The following MYOC variants were observed in gnomAD, a reference collection of about 807,000 sequenced individuals.
MYOC encodes myocilin.
In MYOC, 29 loss-of-function variants were observed where a neutral mutation model predicts 28.2. That is an observed-to-expected ratio of 1.03 (90% CI 0.77 to 1.40). The LOEUF (loss-of-function observed/expected upper bound fraction) is 1.40. MYOC is among the 40% of genes most tolerant of loss of function. The pLI is 0.00. For synonymous variants in MYOC, 240 were observed against 245.6 expected, an observed-to-expected ratio of 0.98 and a Z score of 0.21; for missense variants, 569 against 620.6, an observed-to-expected ratio of 0.92 and a Z score of 0.88.
intron 1 of MYOC, among the ~76,000 whole-genome samples, chr1:171,640,020 C>G (rs1216661041): frequency 7.8e-6 from 1 of 129,020 alleles, no homozygotes; most frequent in African/African-American, 2.9e-5. Context: ...GAGGCCAAGA[C>G]AGGAGGAGTA....
intron 1 of MYOC, among the ~76,000 whole-genome samples, chr1:171,648,387 G>A (rs1054297898): frequency 2.0e-5 from 3 of 151,978 alleles, no homozygotes; most frequent in African/African-American, 7.2e-5. Context: ...CCACTGTGGT[G>A]ACTAGCTGGA....
At position 171,636,629 on chromosome 1, in the gene MYOC, T is replaced by C. The variant is rs1652930366; in HGVS notation, c.811A>G (p.Met271Val). 1 of 1,612,072 alleles carries C rather than the reference T, an allele frequency of 6.2e-7. No homozygotes were observed. Among genetic ancestry groups the C allele is most frequent in the African/African-American group, 1.3e-5 (1 of 74,760 alleles). ...GGGTAGGTGGGCTTGGGGTCTCGCATCCACACACCATACTTGCCAGTAATT... is the reference window on the plus strand; with the variant it reads ...GGGTAGGTGGGCTTGGGGTCTCGCACCCACACACCATACTTGCCAGTAATT... ...ETITGKYGVW[M>V]RDPKPTYPYT... Residue 271 changes from methionine to valine, a missense_variant, in exon 3 of 3, where the codon ATG (methionine) becomes GTG (valine). Met to Val is a conservative substitution (Grantham distance 21). Coordinates refer to ENST00000037502, the MANE Select transcript of MYOC (RefSeq NM_000261.2).
intron 1 of MYOC, among the ~76,000 whole-genome samples, chr1:171,642,471 G>A (rs2102947192): frequency 6.6e-6 from 1 of 152,108 alleles, no homozygotes; most frequent in African/African-American, 2.4e-5. Flanking sequence ...GAGTTAGCTG[G>A]GTGTGGTGGT....
At chr1:171,646,356 A>C (rs1325940981) in intron 1 of MYOC, among the ~76,000 whole-genome samples, 1 of 152,174 alleles carries the variant, frequency 6.6e-6, no homozygotes, top group Non-Finnish European at 1.5e-5. Flanking sequence ...TCAACACTAA[A>C]ATTTCTCTGG....
At position 171,636,126 on chromosome 1, in the gene MYOC, G is replaced by T. The variant is rs375235405; in HGVS notation, c.1314C>A (p.Thr438=). The change falls in exon 3 of 3, where the codon ACC becomes ACA. Residue 438 remains threonine, a synonymous_variant. Coordinates refer to ENST00000037502, the MANE Select transcript of MYOC (RefSeq NM_000261.2). ...NAFIICGTLY[T]VSSYTSADAT... is the part of the protein sequence containing the mutation. Reference sequence around the variant, plus strand: ...CATCTGCTGAGGTGTAGCTGCTGACGGTGTACAAGGTGCCACAGATGATGA... The same window carrying T: ...CATCTGCTGAGGTGTAGCTGCTGACTGTGTACAAGGTGCCACAGATGATGA... 6.2e-7 allele frequency: 1 copy of T among 1,614,062 alleles called. No individual in the cohort carries two copies. The highest frequency in any genetic ancestry group is 1.7e-5 in the Admixed American group (1 of 59,998).
Position 171,652,241 on chromosome 1 carries a change from AG to A in MYOC, c.370del (p.Leu124Ter), listed in dbSNP as rs1184334502. 6.2e-7 allele frequency: 1 copy of A among 1,614,022 alleles called. No individual in the cohort carries two copies. The highest frequency in any genetic ancestry group is 1.3e-5 in the African/African-American group (1 of 74,924). ...TTCCAGCTGGTCCCGCTCCCGCCTC[AG>A]GGTGCCCAGCTCCCTCTGCAGCCCC... Reference protein sequence around the residue: ...QEGLQRELGTLRRERDQLETQ... With the variant: ...QEGLQRELGTXRRERDQLETQ... On this transcript the variant is annotated frameshift_variant, in exon 1 of 3. Coordinates refer to ENST00000037502, the MANE Select transcript of MYOC (RefSeq NM_000261.2). LOFTEE classifies it high-confidence loss of function.
chr1:171,636,218 G>A lies in MYOC; in HGVS notation c.1222C>T (p.Pro408Ser). ...GTTTGTTCGAGTTCCAGATTCTCTG[G>A]GTTCAGTTTGGAGAGGACAATGGCA... ...KGAIVLSKLN[P>S]ENLELEQTWE... Residue 408 changes from proline (P) to serine (S), a missense_variant, in exon 3 of 3, where the codon CCA (proline) becomes TCA (serine). Physicochemically the swap from Pro to Ser is moderately conservative, Grantham distance 74 (BLOSUM62 -1). Coordinates refer to ENST00000037502, the MANE Select transcript of MYOC (RefSeq NM_000261.2). 1.9e-6 allele frequency: 3 copies of A among 1,614,124 alleles called. No individual in the cohort carries two copies. The highest frequency in any genetic ancestry group is 2.5e-6 in the Non-Finnish European group (3 of 1,180,024).
At chr1:171,644,388 GA>G (rs1285501257) in intron 1 of MYOC, among the ~76,000 whole-genome samples, 1 of 151,722 alleles carries the variant, frequency 6.6e-6, no homozygotes, top group Non-Finnish European at 1.5e-5. Context: ...AACTTACCGA[GA>G]AAAGATGTAT....
In MYOC at chr1:171,647,169, G is replaced by A. The variant is rs117630964; in HGVS notation, c.604+4839C>T. Among the ~76,000 whole-genome samples the A allele has an allele frequency of 1.6e-3, 240 of 152,328 alleles. 5 individuals carry two copies. In the East Asian group the frequency reaches 0.039, roughly 25 times the overall value. On this transcript the variant is annotated intron_variant, in intron 1 of 2. Coordinates refer to ENST00000037502, the MANE Select transcript of MYOC (RefSeq NM_000261.2). ...AACTTGTACTGTCTCTAGAATCAAC[G>A]CATGTTATTAAAATGTTATGCACAT...
intron 1 of MYOC, among the ~76,000 whole-genome samples, chr1:171,645,532 A>G (rs1172454127): frequency 6.6e-6 from 1 of 152,182 alleles, no homozygotes; most frequent in Non-Finnish European, 1.5e-5. Context: ...CTAGGTGCCT[A>G]TGGAGTTCAC....
At position 171,635,625 on chromosome 1, in the gene MYOC, G is replaced by C; in HGVS notation, c.*300C>G. Reference sequence around the variant, plus strand: ...ATGCAAGAGCAATGGTTTTCAGGAAGAAACTATTATGCCTTACAGCTTTTG... The same window carrying C: ...ATGCAAGAGCAATGGTTTTCAGGAACAAACTATTATGCCTTACAGCTTTTG... On this transcript the variant is annotated 3_prime_UTR_variant, in exon 3 of 3. Transcript: ENST00000037502. The C allele has an allele frequency of 2.1e-6, 1 of 482,114 alleles. No homozygotes were observed. Among genetic ancestry groups the C allele is most frequent in the South Asian group, 2.4e-5 (1 of 42,430 alleles). The allele number at this position is 482,114 out of a possible 1,614,324, so 29.9% of individuals were successfully genotyped here.
intron 2 of MYOC, among the ~76,000 whole-genome samples, chr1:171,637,765 A>G (rs1414338484): frequency 1.3e-5 from 2 of 151,954 alleles, no homozygotes; most frequent in Non-Finnish European, 2.9e-5. Context: ...GATGACTGCC[A>G]CCATGCCTGG....
chr1:171,637,194 A>AT (rs1652944627), intron 2 of MYOC, among the ~76,000 whole-genome samples: 1 of 152,174 alleles, frequency 6.6e-6, no homozygotes, highest in South Asian at 2.1e-4. Context: ...TAAGCTGGGC[A>AT]GGGACCCATG....
At chr1:171,644,491 G>A (rs998874804) in intron 1 of MYOC, among the ~76,000 whole-genome samples, 5 of 151,154 alleles carry the variant, frequency 3.3e-5, no homozygotes, top group African/African-American at 1.2e-4. Flanking sequence ...GGAAGAAAGT[G>A]AAACCCAAAA....
Position 171,652,046 on chromosome 1 carries a change from C to G in MYOC, c.566G>C (p.Arg189Pro). Residue 189 changes from arginine (R) to proline (P), a missense_variant, in exon 1 of 3, where the codon CGA becomes CCA. Coordinates refer to ENST00000037502, the MANE Select transcript of MYOC (RefSeq NM_000261.2). Reference sequence around the variant, plus strand: ...TGGTGGCACAGCCCGAGCAGTGTCTCGGGTCTGGGGACACTGGCCCCTTCT... The same window carrying G: ...TGGTGGCACAGCCCGAGCAGTGTCTGGGGTCTGGGGACACTGGCCCCTTCT... ...RLRRGQCPQTRDTARAVPPGS... is the reference protein window; with the variant it reads ...RLRRGQCPQTPDTARAVPPGS... 6.2e-7 allele frequency: 1 copy of G among 1,614,196 alleles called. No homozygotes were observed.
In MYOC at chr1:171,638,339, A is replaced by G. The variant is rs938309499; in HGVS notation, c.730+258T>C. Reference sequence around the variant, plus strand: ...ACACATCTCTCATCTTGCCCTGTGCAGCCCAGCCCAGCCTCCCAAGTGTGG... The same window carrying G: ...ACACATCTCTCATCTTGCCCTGTGCGGCCCAGCCCAGCCTCCCAAGTGTGG... On this transcript the variant is annotated intron_variant, in intron 2 of 2. Transcript: ENST00000037502. 3.3e-5 allele frequency among the ~76,000 whole-genome samples: 5 copies of G among 152,286 alleles called. No individual in the cohort carries two copies. In the East Asian group the frequency reaches 9.7e-4, roughly 29 times the overall value.
chr1:171,636,128 T>G lies in MYOC; in HGVS notation c.1312A>C (p.Thr438Pro), dbSNP rs761947583. The change falls in exon 3 of 3, where the codon ACC (threonine) becomes CCC (proline). Residue 438 changes from threonine to proline, a missense_variant. Coordinates refer to ENST00000037502, the MANE Select transcript of MYOC (RefSeq NM_000261.2). ...NAFIICGTLY[T>P]VSSYTSADAT... Reference sequence around the variant, plus strand: ...TCTGCTGAGGTGTAGCTGCTGACGGTGTACAAGGTGCCACAGATGATGAAG... The same window carrying G: ...TCTGCTGAGGTGTAGCTGCTGACGGGGTACAAGGTGCCACAGATGATGAAG... 12 of 1,613,990 alleles carry G rather than the reference T, an allele frequency of 7.4e-6. No individual in the cohort carries two copies. Among genetic ancestry groups the G allele is most frequent in the Non-Finnish European group, 1.0e-5 (12 of 1,180,022 alleles).
chr1:171,649,308 C>T (rs531839848), intron 1 of MYOC, among the ~76,000 whole-genome samples: 4 of 152,214 alleles, frequency 2.6e-5, no homozygotes, highest in African/African-American at 7.2e-5. Context: ...CTTCTCTACC[C>T]AAACCTTCAC....
chr1:171,642,869 T>C (rs1653109724), intron 1 of MYOC, among the ~76,000 whole-genome samples: 1 of 131,244 alleles, frequency 7.6e-6, no homozygotes, highest in African/African-American at 2.9e-5. Flanking sequence ...CAAGTTTGTC[T>C]AATAGGCTAG....
Sources: allele counts gnomAD v4.1 joint callset (sites outside exome capture counted in the v4.1 genomes callset), GRCh38; gene constraint gnomAD v4.1.1; transcripts MANE v1.5; gene names NCBI Gene and HGNC (gene_info 2026-07-23, HGNC 2026-07-21).